Variants in SCN1B observed in about 807,000 individuals in gnomAD.
SCN1B encodes sodium voltage-gated channel beta subunit 1, also known as sodium channel regulatory subunit beta-1.
Under a neutral mutation model 25.7 loss-of-function variants are expected in SCN1B, and 11 were observed. That is an observed-to-expected ratio of 0.43 (90% CI 0.27 to 0.71). The LOEUF (loss-of-function observed/expected upper bound fraction) is 0.71, where lower values mean the gene tolerates loss of function less well. SCN1B is among the 30% of genes least tolerant of loss of function. The pLI, the probability that SCN1B is intolerant of heterozygous loss-of-function variation, is 0.21. For synonymous variants in SCN1B, 119 were observed against 117.5 expected, an observed-to-expected ratio of 1.01 and a Z score of -0.08; for missense variants, 224 against 291.5, an observed-to-expected ratio of 0.77 and a Z score of 1.69.
chr19:35,030,748 A>G lies in SCN1B; in HGVS notation c.-73A>G. The G allele has an allele frequency of 6.7e-6, 3 of 448,942 alleles. No individual in the cohort carries two copies. The highest frequency in any genetic ancestry group is 1.1e-5 in the Non-Finnish European group (3 of 262,882). The allele number at this position is 448,942 out of a possible 1,614,324, so 27.8% of individuals were successfully genotyped here. On this transcript the variant is annotated 5_prime_UTR_variant, in exon 1 of 6. Coordinates refer to ENST00000262631, the MANE Select transcript of SCN1B (RefSeq NM_001037.5). ...TCCCGGGGACATTCTAACCGCCGCCAGGTCCCGCCGCCTCTCGCCCCGCTA... is the reference window on the plus strand; with the variant it reads ...TCCCGGGGACATTCTAACCGCCGCCGGGTCCCGCCGCCTCTCGCCCCGCTA...
In SCN1B at chr19:35,032,716, G is replaced by T. The variant is rs764297883; in HGVS notation, c.207+22G>T. The T allele has an allele frequency of 1.2e-6, 2 of 1,612,232 alleles. No homozygotes were observed. Among genetic ancestry groups the T allele is most frequent in the Non-Finnish European group, 1.7e-6 (2 of 1,179,806 alleles). On this transcript the variant is annotated intron_variant, in intron 2 of 5. Coordinates refer to ENST00000262631, the MANE Select transcript of SCN1B (RefSeq NM_001037.5). The surrounding 1 kb of genome is among the most constrained non-coding windows in gnomAD (Gnocchi z 4.3). ...CAAGGTGTGCGGGTGCCGGGAACGG[G>T]CATGGGAGGGCAGGGGTCCACGAGT...
Position 35,040,258 on chromosome 19 carries a change from C to T in SCN1B, c.*467C>T, listed in dbSNP as rs1009841552. The stretch of plus-strand genomic sequence containing the variant: ...CTGGGACCCACTCCGACTCCCCCTC[C>T]CCGGCATCATTTCCCCTCCCGCTTC... On this transcript the variant is annotated 3_prime_UTR_variant, in exon 6 of 6. Coordinates refer to ENST00000262631, the MANE Select transcript of SCN1B (RefSeq NM_001037.5). 6.1e-6 allele frequency: 1 copy of T among 165,130 alleles called. No homozygotes were observed. The highest frequency in any genetic ancestry group is 1.6e-4 in the South Asian group (1 of 6,398). 10.2% of individuals were successfully genotyped at this position (165,130 alleles called of 1,614,324 possible). A position where few individuals can be genotyped will look rare whatever the true frequency, so the allele number is the denominator to read the frequency against.
chr19:35,032,398 C>G lies in SCN1B; in HGVS notation c.41-130C>G. ...CTTGCTGAGGTCACGCAGTGAGTGA[C>G]AGGGCTCAGCCTAGCATCCAGTCCT... On this transcript the variant is annotated intron_variant, in intron 1 of 5. Coordinates refer to ENST00000262631, the MANE Select transcript of SCN1B (RefSeq NM_001037.5). This position sits in a 1 kb window ranked among gnomAD's most constrained non-coding sequence, Gnocchi z 4.3. 1 of 1,042,862 alleles carries G rather than the reference C, an allele frequency of 9.6e-7. No individual in the cohort carries two copies. Among genetic ancestry groups the G allele is most frequent in the Non-Finnish European group, 1.4e-6 (1 of 694,340 alleles). The allele number at this position is 1,042,862 out of a possible 1,614,324, so 64.6% of individuals were successfully genotyped here. A position where few individuals can be genotyped will look rare whatever the true frequency, so the allele number is the denominator to read the frequency against.
In SCN1B at chr19:35,033,703, G is replaced by A. The variant is rs72558029; in HGVS notation, c.412G>A (p.Val138Ile). The A allele has an allele frequency of 5.0e-3, 8,078 of 1,614,154 alleles. 367 individuals carry two copies. In the South Asian group the frequency reaches 0.079, roughly 16 times the overall value. ...FFENYEHNTS[V>I]VKKIHIEVVD... ...CGAAAACTACGAGCACAACACCAGC[G>A]TCGTCAAGAAGATCCACATTGAGGT... Residue 138 changes from valine (V) to isoleucine (I), a missense_variant, in exon 3 of 6, where the codon GTC becomes ATC. Transcript: ENST00000262631.
At position 35,032,077 on chromosome 19, in the gene SCN1B, G is replaced by A. The variant is rs1271504483; in HGVS notation, c.41-451G>A. ...TTTCTCCCAACCCATTTCTCCTGGA[G>A]CTAGCTGGTTTTACAATTTAATGGT... On this transcript the variant is annotated intron_variant, in intron 1 of 5. Coordinates refer to ENST00000262631, the MANE Select transcript of SCN1B (RefSeq NM_001037.5). This position sits in a 1 kb window ranked among gnomAD's most constrained non-coding sequence, Gnocchi z 4.3. Among the ~76,000 whole-genome samples the A allele has an allele frequency of 5.3e-5, 8 of 151,890 alleles. No individual in the cohort carries two copies. The highest frequency in any genetic ancestry group is 1.0e-4 in the Non-Finnish European group (7 of 68,014).
intron 3 of SCN1B, chr19:35,036,493 G>A (rs1351620556): frequency 6.6e-6 from 1 of 151,878 alleles, no homozygotes; most frequent in African/African-American, 2.4e-5. Flanking sequence ...AGGCTGGAGT[G>A]CAGCAGTACA....
rs555198957 is a variant in SCN1B at position 35,032,748 on chromosome 19, C to T, written c.207+54C>T. 14 of 1,586,058 alleles carry T rather than the reference C, an allele frequency of 8.8e-6. No homozygotes were observed. The highest frequency in any genetic ancestry group is 2.7e-5 in the African/African-American group (2 of 74,562). ...AGGGCAGGGGTCCACGAGTGGGAGGCGGTGGGGCTGGATCTCAGGGAGGGG... is the reference window on the plus strand; with the variant it reads ...AGGGCAGGGGTCCACGAGTGGGAGGTGGTGGGGCTGGATCTCAGGGAGGGG... On this transcript the variant is annotated intron_variant, in intron 2 of 5. Transcript: ENST00000262631. The surrounding 1 kb of genome is among the most constrained non-coding windows in gnomAD (Gnocchi z 4.3).
intron 3 of SCN1B, chr19:35,034,913 C>T (rs1344346087): frequency 6.6e-6 from 1 of 152,186 alleles, no homozygotes; most frequent in Non-Finnish European, 1.5e-5. Flanking sequence ...TCAGCCAGAG[C>T]CTGTGGGTTT....
At position 35,030,511 on chromosome 19, in the gene SCN1B, C is replaced by T. The variant is rs62122156; in HGVS notation, c.-310C>T. 6.0e-6 allele frequency: 1 copy of T among 165,762 alleles called. No homozygotes were observed. 10.3% of individuals were successfully genotyped at this position (165,762 alleles called of 1,614,324 possible). On this transcript the variant is annotated 5_prime_UTR_variant, in exon 1 of 6. Coordinates refer to ENST00000262631, the MANE Select transcript of SCN1B (RefSeq NM_001037.5). ...CGGTCCGCGCCCGAGCGCGCCCGAGCCGGAGCGGGACCGGGGTCGGTGCAC... is the reference window on the plus strand; with the variant it reads ...CGGTCCGCGCCCGAGCGCGCCCGAGTCGGAGCGGGACCGGGGTCGGTGCAC...
intron 3 of SCN1B, chr19:35,035,831 A>G (rs1450315577): frequency 1.3e-5 from 2 of 152,136 alleles, no homozygotes; most frequent in African/African-American, 2.4e-5. Context: ...ATATTACACA[A>G]TATATTTTAC....
At chr19:35,036,356 A>G (rs1318493996) in intron 3 of SCN1B, 1 of 152,070 alleles carries the variant, frequency 6.6e-6, no homozygotes, top group African/African-American at 2.4e-5. Context: ...TATTTTTAAC[A>G]TGACTCATTG....
intron 3 of SCN1B, chr19:35,034,174 G>A (rs2064234303): frequency 2.6e-6 from 4 of 1,546,576 alleles, no homozygotes; most frequent in South Asian, 2.4e-5. Flanking sequence ...GAGCCTTGCA[G>A]GTGGTGGCGA....
rs2151749576 is a variant in SCN1B at position 35,040,410 on chromosome 19, G to A, written c.*619G>A. Reference sequence around the variant, plus strand: ...GCCCATTCAGCCTCGTCTCTTTACAGAAGTAGTTTTGTTCATGAAATAAAG... The same window carrying A: ...GCCCATTCAGCCTCGTCTCTTTACAAAAGTAGTTTTGTTCATGAAATAAAG... On this transcript the variant is annotated 3_prime_UTR_variant, in exon 6 of 6. Coordinates refer to ENST00000262631, the MANE Select transcript of SCN1B (RefSeq NM_001037.5). 1 of 153,752 alleles carries A rather than the reference G, an allele frequency of 6.5e-6. No homozygotes were observed. The highest frequency in any genetic ancestry group is 6.5e-5 in the Admixed American group (1 of 15,436). The allele number at this position is 153,752 out of a possible 1,614,324, so 9.5% of individuals were successfully genotyped here.
At chr19:35,036,854 A>C (rs1312669780) in intron 3 of SCN1B, 1 of 151,886 alleles carries the variant, frequency 6.6e-6, no homozygotes, top group Non-Finnish European at 1.5e-5. Flanking sequence ...TCCCGGGTTC[A>C]AGCGATTCTC....
chr19:35,032,738 G>A lies in SCN1B; in HGVS notation c.207+44G>A, dbSNP rs111847391. 56 of 1,603,850 alleles carry A rather than the reference G, an allele frequency of 3.5e-5. No individual in the cohort carries two copies. In the African/African-American group the frequency reaches 4.7e-4, roughly 13 times the overall value. On this transcript the variant is annotated intron_variant, in intron 2 of 5. Coordinates refer to ENST00000262631, the MANE Select transcript of SCN1B (RefSeq NM_001037.5). The surrounding 1 kb of genome is among the most constrained non-coding windows in gnomAD (Gnocchi z 4.3). ...CGGGCATGGGAGGGCAGGGGTCCAC[G>A]AGTGGGAGGCGGTGGGGCTGGATCT...
In SCN1B at chr19:35,032,748, C is replaced by CG; in HGVS notation, c.207+56dup. 6.3e-7 allele frequency: 1 copy of CG among 1,586,060 alleles called. No individual in the cohort carries two copies. The highest frequency in any genetic ancestry group is 8.6e-7 in the Non-Finnish European group (1 of 1,159,052). Reference sequence around the variant, plus strand: ...AGGGCAGGGGTCCACGAGTGGGAGGCGGTGGGGCTGGATCTCAGGGAGGGG... The same window carrying CG: ...AGGGCAGGGGTCCACGAGTGGGAGGCGGGTGGGGCTGGATCTCAGGGAGGGG... On this transcript the variant is annotated intron_variant, in intron 2 of 5. Coordinates refer to ENST00000262631, the MANE Select transcript of SCN1B (RefSeq NM_001037.5). The surrounding 1 kb of genome is among the most constrained non-coding windows in gnomAD (Gnocchi z 4.3).
intron 3 of SCN1B, chr19:35,035,812 G>T (rs1300905858): frequency 6.6e-6 from 1 of 152,044 alleles, no homozygotes; most frequent in East Asian, 1.9e-4. Flanking sequence ...ACCCACTATA[G>T]GATATTTTAT....
chr19:35,031,587 C>G (rs1231817893), intron 1 of SCN1B: 2 of 152,196 alleles, frequency 1.3e-5, no homozygotes, highest in Non-Finnish European at 2.9e-5. Context: ...GTGGAGGGAC[C>G]TTCAGAGAGA....
At chr19:35,039,446 C>T (rs1434172668) in intron 4 of SCN1B, 188 bp downstream of exon 4, 2 of 997,536 alleles carry the variant, frequency 2.0e-6, no homozygotes, top group African/African-American at 3.2e-5. Context: ...CCCTTCCTCC[C>T]TCCAACTCAG....
Sources: gnomAD v4.1 joint callset for allele counts (sites outside exome capture counted in the v4.1 genomes callset) on GRCh38, gnomAD v4.1.1 for gene constraint, Gnocchi (gnomAD v3.1) non-coding constraint, MANE v1.5 for transcripts, NCBI Gene and HGNC (gene_info 2026-07-23, HGNC 2026-07-21) for gene names.